KIFC3: variants seen among roughly 807,000 people sequenced by gnomAD.
The protein encoded by KIFC3 is kinesin family member C3.
KIFC3 carries 60 observed loss-of-function variants against 101.8 expected under a neutral mutation model. That is an observed-to-expected ratio of 0.59 (90% CI 0.48 to 0.73). The LOEUF is 0.73. Ranked by LOEUF, KIFC3 falls within the 30% of genes least tolerant of loss-of-function variation. The pLI is 0.00. For synonymous variants in KIFC3, 476 were observed against 482.7 expected (o/e 0.99, Z 0.18); for missense variants, 966 against 1,137.1 (o/e 0.85, Z 2.16).
Position 57,798,214 on chromosome 16 carries a change from C to G in KIFC3, c.30G>C (p.Leu10=). 1 of 1,548,250 alleles carries G rather than the reference C, an allele frequency of 6.5e-7. No individual in the cohort carries two copies. Among genetic ancestry groups the G allele is most frequent in the South Asian group, 1.2e-5 (1 of 83,934 alleles). Residue 10 remains leucine (L), a synonymous_variant, in exon 2 of 20, where the codon CTG becomes CTC. Coordinates refer to ENST00000445690, the MANE Select transcript of KIFC3 (RefSeq NM_001130100.2). ...GGCCCCGCAGCGAGGGCGTGGCTCC[C>G]AGGTTCCACGTCCTGCGAGAGGGGA... is the stretch of plus-strand genomic sequence containing the variant. MVPSRRTWN[L]GATPSLRGLW...
At position 57,833,601 on chromosome 16, in the gene KIFC3, G is replaced by C. The variant is rs1483773130; in HGVS notation, c.108+29128C>G. ...AGCCCCCACAGACTCCCAGGACCCA[G>C]AGATCGGGACTCCCATGGTGTCAGT... On this transcript the variant is annotated intron_variant, in intron 1 of 2. Coordinates refer to the KIFC3 transcript ENST00000563028. 2.6e-5 allele frequency among the ~76,000 whole-genome samples: 4 copies of C among 152,134 alleles called. No homozygotes were observed. The East Asian group carries it at 7.7e-4, about 29-fold the overall frequency.
chr16:57,839,673 T>G (rs1442708133), intron 1 of KIFC3, among the ~76,000 whole-genome samples: 1 of 152,200 alleles, frequency 6.6e-6, no homozygotes, highest in African/African-American at 2.4e-5. Flanking sequence ...TCATTGAAAT[T>G]TATCCTAAAG....
In KIFC3 at chr16:57,798,098, T is replaced by C. The variant is rs782156182; in HGVS notation, c.146A>G (p.His49Arg). Residue 49 changes from histidine (H) to arginine (R), a missense_variant, in exon 2 of 20, where the codon CAC becomes CGC. His to Arg is a conservative substitution (Grantham distance 29). Coordinates refer to ENST00000445690, the MANE Select transcript of KIFC3 (RefSeq NM_001130100.2). ...AGTTCTCAACCTCCCCGGGCCGGTG[T>C]GTGGGAAAGGGCGGGCGGCCGGGCT... ...PASPAARPFPHTGPGRLRTGR... is the reference protein window; with the variant it reads ...PASPAARPFPRTGPGRLRTGR... 15 of 1,592,202 alleles carry C rather than the reference T, an allele frequency of 9.4e-6. No individual in the cohort carries two copies. The South Asian group carries it at 1.5e-4, about 16-fold the overall frequency.
chr16:57,797,580 G>T, intron 2 of KIFC3: 1 of 509,740 alleles, frequency 2.0e-6, no homozygotes, highest in Non-Finnish European at 2.6e-6. Flanking sequence ...TGAGCACATG[G>T]ACCCCAAGCC....
intron 1 of KIFC3, among the ~76,000 whole-genome samples, chr16:57,800,144 G>T (rs1299095951): frequency 3.3e-5 from 5 of 152,114 alleles, no homozygotes; most frequent in African/African-American, 1.2e-4. Flanking sequence ...AAAGTAAAGG[G>T]TCCAGGGGTT....
At chr16:57,805,254 T>C (rs1305434378), upstream of KIFC3, among the ~76,000 whole-genome samples, 3 of 151,940 alleles carry the variant, frequency 2.0e-5, no homozygotes, top group African/African-American at 7.3e-5. Context: ...CTGGGATTAT[T>C]TGCATGAGCC....
At chr16:57,780,847 G>A (rs1315423663) in intron 3 of KIFC3, among the ~76,000 whole-genome samples, 1 of 151,632 alleles carries the variant, frequency 6.6e-6, no homozygotes, top group Non-Finnish European at 1.5e-5. Flanking sequence ...GCTAATTTTT[G>A]TATTTTTAGT....
chr16:57,827,029 G>T (rs1266796553), intron 1 of KIFC3, among the ~76,000 whole-genome samples: 1 of 152,220 alleles, frequency 6.6e-6, no homozygotes, highest in African/African-American at 2.4e-5. Flanking sequence ...CACACGCTCA[G>T]TTAGGCTTTA....
intron 3 of KIFC3, among the ~76,000 whole-genome samples, chr16:57,784,334 G>C (rs1473383276): frequency 3.3e-5 from 5 of 152,000 alleles, no homozygotes; most frequent in Non-Finnish European, 5.9e-5. Context: ...GTGTGTAAGA[G>C]GAAGACACAA....
At chr16:57,759,347 G>A (rs782350950) in intron 18 of KIFC3, 194 bp from the exon 19 acceptor site, 86 of 660,630 alleles carry the variant, frequency 1.3e-4, no homozygotes, top group Non-Finnish European at 1.8e-4. Context: ...AGGCAAGCCC[G>A]GCCCTTTCTA....
intron 2 of KIFC3, among the ~76,000 whole-genome samples, chr16:57,797,356 C>G (rs2054411322): frequency 6.6e-6 from 1 of 152,258 alleles, no homozygotes; most frequent in Admixed American, 6.5e-5. Flanking sequence ...CCTGCCCACG[C>G]CTCGGGAGAG....
At chr16:57,761,998 C>T in intron 13 of KIFC3, 142 bp downstream of exon 13, 1 of 1,072,914 alleles carries the variant, frequency 9.3e-7, no homozygotes, top group Non-Finnish European at 1.3e-6. Flanking sequence ...TGCTCCAGCA[C>T]CACCCCTGAG....
intron 1 of KIFC3, among the ~76,000 whole-genome samples, chr16:57,828,844 G>A (rs2055515834): frequency 1.3e-5 from 2 of 152,184 alleles, no homozygotes; most frequent in South Asian, 4.2e-4. Flanking sequence ...AGAAGGTAGT[G>A]TAGATAGCTT....
intron 13 of KIFC3, 99 bp downstream of exon 13, chr16:57,762,041 A>C: frequency 2.8e-6 from 4 of 1,427,864 alleles, no homozygotes; most frequent in Non-Finnish European, 3.7e-6. Flanking sequence ...CCTGCTCCCC[A>C]CATACTGGGG....
At chr16:57,802,836 C>G, upstream of KIFC3, 1 of 939,298 alleles carries the variant, frequency 1.1e-6, no homozygotes, top group South Asian at 1.4e-5. This position sits in a 1 kb window ranked among gnomAD's most constrained non-coding sequence, Gnocchi z 5.0. Flanking sequence ...GCCATGCGTA[C>G]TTTTGCACAG....
intron 17 of KIFC3, 56 bp from the exon 18 acceptor site, chr16:57,759,892 C>G: frequency 7.3e-7 from 1 of 1,361,960 alleles, no homozygotes; most frequent in African/African-American, 1.4e-5. Context: ...GCTCCCCACC[C>G]TGCTGTGCTT....
intron 16 of KIFC3, 30 bp from the exon 17 acceptor site, chr16:57,760,446 C>A: frequency 6.2e-7 from 1 of 1,602,902 alleles, no homozygotes; most frequent in Non-Finnish European, 8.5e-7. Flanking sequence ...ACTGCCCACC[C>A]GGGCCAGCTG....
At chr16:57,797,811 T>TC in intron 2 of KIFC3, 2 of 1,380,534 alleles carry the variant, frequency 1.4e-6, no homozygotes, top group Non-Finnish European at 1.9e-6. Context: ...TGCAGCTGAT[T>TC]CCCCCTGCTC....
chr16:57,800,446 T>A (rs1555625127), intron 1 of KIFC3, among the ~76,000 whole-genome samples: 3 of 152,130 alleles, frequency 2.0e-5, no homozygotes, highest in African/African-American at 7.2e-5. Context: ...GGCACAGAGC[T>A]GGGCACACAA....
Sources: allele counts gnomAD v4.1 joint callset (sites outside exome capture counted in the v4.1 genomes callset), GRCh38; gene constraint gnomAD v4.1.1; non-coding constraint Gnocchi (gnomAD v3.1); transcripts MANE v1.5; gene names NCBI Gene and HGNC (gene_info 2026-07-23, HGNC 2026-07-21).